Variants in ERBB4 observed in about 807,000 individuals in gnomAD.
The protein encoded by ERBB4 is receptor tyrosine-protein kinase erbB-4.
Under a neutral mutation model 158.0 loss-of-function variants are expected in ERBB4, and 42 were observed. The observed-to-expected ratio is 0.27, with a 90% CI of 0.21 to 0.34. The LOEUF (loss-of-function observed/expected upper bound fraction) is 0.34. Among genes scored for constraint, ERBB4 ranks in the 10% least tolerant of loss-of-function variants. ERBB4 has a pLI of 1.00. For synonymous variants in ERBB4, 583 were observed against 558.7 expected, an observed-to-expected ratio of 1.04 and a Z score of -0.61; for missense variants, 1,333 against 1,624.1, an observed-to-expected ratio of 0.82 and a Z score of 3.08.
intron 2 of ERBB4, among the ~76,000 whole-genome samples, chr2:212,004,819 T>TA (rs1553533970): frequency 6.6e-5 from 10 of 151,948 alleles, no homozygotes; most frequent in Non-Finnish European, 1.5e-4. Context: ...CTAACTTACA[T>TA]ATATATATTG....
At chr2:211,396,016 GAAAA>G (rs925667581) in intron 25 of ERBB4, among the ~76,000 whole-genome samples, 9 of 139,036 alleles carry the variant, frequency 6.5e-5, no homozygotes, top group African/African-American at 1.3e-4. Flanking sequence ...CTAAGAATAA[GAAAA>G]AAAAAAAGAC....
At chr2:212,359,595 T>C (rs770949753) in intron 1 of ERBB4, among the ~76,000 whole-genome samples, 1 of 151,730 alleles carries the variant, frequency 6.6e-6, no homozygotes, top group Non-Finnish European at 1.5e-5. Context: ...GAGTTCTAGC[T>C]GCTGTAAACA....
At chr2:212,057,194 T>C (rs1019645407) in intron 2 of ERBB4, among the ~76,000 whole-genome samples, 17 of 152,184 alleles carry the variant, frequency 1.1e-4, no homozygotes, top group African/African-American at 3.6e-4. Flanking sequence ...GAGCATTACA[T>C]AATGGTAAAG....
chr2:212,513,227 G>A (rs1434893845), intron 1 of ERBB4, among the ~76,000 whole-genome samples: 5 of 152,038 alleles, frequency 3.3e-5, no homozygotes, highest in Non-Finnish European at 7.4e-5. Flanking sequence ...AAGTAGCCAC[G>A]CAATAAGTAT....
intron 2 of ERBB4, among the ~76,000 whole-genome samples, chr2:211,988,996 A>T (rs946587224): frequency 6.6e-6 from 1 of 152,002 alleles, no homozygotes; most frequent in African/African-American, 2.4e-5. Flanking sequence ...AAACTCTAAG[A>T]TGGTATTGTC....
rs532955374 is a variant in ERBB4, at chr2:211,381,707, A to C, written c.*1908T>G. ...ATGGATTTACTTGTTCAGAATAGGA[A>C]GAAACACAAATTTCTTTGGATTTTT... On this transcript the variant is annotated 3_prime_UTR_variant, in exon 28 of 28. Coordinates refer to ENST00000342788, the MANE Select transcript of ERBB4 (RefSeq NM_005235.3). 19 of 231,758 alleles carry C rather than the reference A, an allele frequency of 8.2e-5. No homozygotes were observed. The East Asian group carries it at 1.1e-3, about 13-fold the overall frequency. The allele number at this position is 231,758 out of a possible 1,614,324, so 14.4% of individuals were successfully genotyped here. A position where few individuals can be genotyped will look rare whatever the true frequency, so the allele number is the denominator to read the frequency against.
chr2:211,477,531 G>T (rs914487061), intron 20 of ERBB4, among the ~76,000 whole-genome samples: 3 of 152,088 alleles, frequency 2.0e-5, no homozygotes, highest in Non-Finnish European at 4.4e-5. Flanking sequence ...ATGGAAAGGG[G>T]CTTCTGGGTT....
At chr2:212,441,940 C>T (rs567507608) in intron 1 of ERBB4, among the ~76,000 whole-genome samples, 1 of 152,202 alleles carries the variant, frequency 6.6e-6, no homozygotes, top group African/African-American at 2.4e-5. Flanking sequence ...GAGGGCAGCA[C>T]CTGCTCTTTG....
In ERBB4 at chr2:211,944,177, CTATATATATATATATATATATACTATA is replaced by C. The variant is rs2080596831; in HGVS notation, c.421+3226_421+3252del. 5.2e-5 allele frequency among the ~76,000 whole-genome samples: 2 copies of C among 38,584 alleles called. 1 individual carries two copies. The highest frequency in any genetic ancestry group is 1.1e-4 in the Non-Finnish European group (2 of 17,726). The allele number at this position is 38,584 out of a possible 152,430, so 25.3% of individuals were successfully genotyped here. The stretch of plus-strand genomic sequence containing the variant: ...TATATATATACACTATATATATATA[CTATATATATATATATATATATACTATA>C]TATATATATACACACACACACAAAA... On this transcript the variant is annotated intron_variant, in intron 3 of 27. Coordinates refer to ENST00000342788, the MANE Select transcript of ERBB4 (RefSeq NM_005235.3).
chr2:212,233,473 T>C (rs933414485), intron 1 of ERBB4, among the ~76,000 whole-genome samples: 1 of 152,184 alleles, frequency 6.6e-6, no homozygotes, highest in Non-Finnish European at 1.5e-5. Flanking sequence ...TTAATGGATA[T>C]GTTTTTACTG....
chr2:211,787,964 CTCAT>C, intron 4 of ERBB4, 57 bp downstream of exon 4: 1 of 1,509,694 alleles, frequency 6.6e-7, no homozygotes, highest in East Asian at 2.3e-5. Context: ...ATAAGCATAA[CTCAT>C]TCATCGCCAC....
chr2:212,468,067 A>G (rs2106104876), intron 1 of ERBB4, among the ~76,000 whole-genome samples: 1 of 152,202 alleles, frequency 6.6e-6, no homozygotes, highest in South Asian at 2.1e-4. Context: ...CCCATTTGGG[A>G]TGGCTGTATT....
intron 19 of ERBB4, among the ~76,000 whole-genome samples, chr2:211,577,832 A>T (rs2067937880): frequency 6.6e-6 from 1 of 152,184 alleles, no homozygotes; most frequent in African/African-American, 2.4e-5. Flanking sequence ...AGAGACATTT[A>T]TGACAAACTC....
At chr2:211,461,304 A>C (rs2064524432) in intron 20 of ERBB4, among the ~76,000 whole-genome samples, 1 of 152,220 alleles carries the variant, frequency 6.6e-6, no homozygotes, top group African/African-American at 2.4e-5. Flanking sequence ...TTATATTATT[A>C]TCAATACTAA....
chr2:211,596,917 A>G (rs890561540), intron 19 of ERBB4, among the ~76,000 whole-genome samples: 2 of 152,068 alleles, frequency 1.3e-5, no homozygotes, highest in African/African-American at 4.8e-5. Context: ...CGTGCCTGCC[A>G]CCATGCCCAG....
At chr2:212,528,413 G>A (rs369722702) in intron 1 of ERBB4, among the ~76,000 whole-genome samples, 4 of 152,132 alleles carry the variant, frequency 2.6e-5, no homozygotes, top group African/African-American at 7.2e-5. Context: ...ATACTACTTC[G>A]TATCTCTAGT....
chr2:212,309,537 A>T (rs1049362047), intron 1 of ERBB4, among the ~76,000 whole-genome samples: 2 of 150,866 alleles, frequency 1.3e-5, no homozygotes, highest in Non-Finnish European at 3.0e-5. Flanking sequence ...TATCTAGCAG[A>T]GTGACTGGTG....
chr2:212,003,211 A>AGG (rs2076172421), intron 2 of ERBB4, among the ~76,000 whole-genome samples: 5 of 55,960 alleles, frequency 8.9e-5, no homozygotes, highest in South Asian at 1.2e-3. Context: ...GAAAGACAGA[A>AGG]AGAAGGAAGG....
chr2:212,033,228 G>A (rs2076942116), intron 2 of ERBB4, among the ~76,000 whole-genome samples: 1 of 151,912 alleles, frequency 6.6e-6, no homozygotes, highest in African/African-American at 2.4e-5. Flanking sequence ...CTTTTAGATA[G>A]GCAATTTGGA....
Sources: allele counts gnomAD v4.1 joint callset (sites outside exome capture counted in the v4.1 genomes callset), GRCh38; gene constraint gnomAD v4.1.1; transcripts MANE v1.5; gene names NCBI Gene and HGNC (gene_info 2026-07-23, HGNC 2026-07-21).